Variants in ENG observed in about 807,000 individuals in gnomAD.
ENG encodes CD105 antigen.
ENG carries 17 observed loss-of-function variants against 71.0 expected under a neutral mutation model. The observed-to-expected ratio is 0.24, with a 90% CI of 0.16 to 0.36. ENG has a LOEUF of 0.36. Ranked by LOEUF, ENG falls within the 10% of genes least tolerant of loss-of-function variation. The pLI is 1.00. For missense variants in ENG, 749 were observed against 868.3 expected, an observed-to-expected ratio of 0.86 and a Z score of 1.73; for synonymous variants, 360 against 366.9, an observed-to-expected ratio of 0.98 and a Z score of 0.21.
intron 2 of ENG, among the ~76,000 whole-genome samples, chr9:127,835,417 G>C (rs1588590890): frequency 6.6e-6 from 1 of 152,210 alleles, no homozygotes; most frequent in East Asian, 1.9e-4. Context: ...ACAGTCCATT[G>C]CTGTGCGGCC....
intron 13 of ENG, chr9:127,816,890 T>G (rs1830332704): frequency 1.8e-6 from 1 of 569,602 alleles, no homozygotes; most frequent in Admixed American, 3.0e-5. Flanking sequence ...AGTGGAGCCG[T>G]GAGTGGGGGC....
intron 1 of ENG, among the ~76,000 whole-genome samples, chr9:127,847,649 C>G (rs574296583): frequency 6.6e-6 from 1 of 152,082 alleles, no homozygotes; most frequent in East Asian, 1.9e-4. Context: ...GGGGTTTCGC[C>G]GTATTGCGCA....
Position 127,843,232 on chromosome 9 carries a change from T to G in ENG, c.81A>C (p.Thr27=), listed in dbSNP as rs1329911838. Residue 27 remains threonine, a synonymous_variant, in exon 2 of 15, where the codon ACA becomes ACC. Transcript: ENST00000373203. ...CCACAGGCTGAAGGTCACAATGGAC[T>G]GTTTCTGCAAGACCTGTTGGAGAAA... ...CSLSPTSLAE[T]VHCDLQPVGP... The G allele has an allele frequency of 6.2e-7, 1 of 1,614,098 alleles. No homozygotes were observed. The highest frequency in any genetic ancestry group is 1.1e-5 in the South Asian group (1 of 91,092).
In ENG at chr9:127,846,825, G is replaced by A; in HGVS notation, c.68-3580C>T. On this transcript the variant is annotated intron_variant, in intron 1 of 14. Transcript: ENST00000373203. The surrounding 1 kb of genome is among the most constrained non-coding windows in gnomAD (Gnocchi z 5.5). ...AGAGGAGGAGCCGCTGGGGGCCTGG[G>A]TGACTGGAACCCCAAGTGAGAGACC... The A allele has an allele frequency of 1.0e-6, 1 of 977,166 alleles. No homozygotes were observed. Among genetic ancestry groups the A allele is most frequent in the Non-Finnish European group, 1.2e-6 (1 of 822,438 alleles). 60.5% of individuals were successfully genotyped at this position (977,166 alleles called of 1,614,324 possible).
chr9:127,851,456 G>A (rs1831284394), intron 1 of ENG, among the ~76,000 whole-genome samples: 1 of 151,930 alleles, frequency 6.6e-6, no homozygotes, highest in Non-Finnish European at 1.5e-5. Context: ...CTGACCTCAG[G>A]TGATCCACCC....
At chr9:127,825,394 G>A (rs1368720542) in intron 5 of ENG, 37 bp from the exon 6 acceptor site, 1 of 1,605,576 alleles carries the variant, frequency 6.2e-7, no homozygotes. Flanking sequence ...CACTGAAGCG[G>A]ACAGGCCAGG....
At chr9:127,840,210 G>C (rs1830997379) in intron 2 of ENG, among the ~76,000 whole-genome samples, 1 of 152,226 alleles carries the variant, frequency 6.6e-6, no homozygotes, top group Non-Finnish European at 1.5e-5. Context: ...AGGGCTGCCT[G>C]GCTCCAGAAC....
rs1831084347 is a variant in ENG at position 127,843,219 on chromosome 9, G to A, written c.94C>T (p.Leu32Phe). 1.2e-6 allele frequency: 2 copies of A among 1,614,114 alleles called. No homozygotes were observed. Among genetic ancestry groups the A allele is most frequent in the Admixed American group, 3.3e-5 (2 of 60,008 alleles). ...CCCCTCTCGGGGCCCACAGGCTGAA[G>A]GTCACAATGGACTGTTTCTGCAAGA... The part of the protein sequence containing the change: ...TSLAETVHCD[L>F]QPVGPERGEV... The change falls in exon 2 of 15, where the codon CTT becomes TTT. Residue 32 changes from leucine to phenylalanine, a missense_variant. Coordinates refer to ENST00000373203, the MANE Select transcript of ENG (RefSeq NM_001114753.3).
rs548424658 is a variant in ENG, at chr9:127,825,788, C to T, written c.596G>A (p.Arg199His). The change falls in exon 5 of 15, where the codon CGT becomes CAT. Residue 199 changes from arginine (R) to histidine (H), a missense_variant. Coordinates refer to ENST00000373203, the MANE Select transcript of ENG (RefSeq NM_001114753.3). ...DMGRTLEWRP[R>H]TPALVRGCHL... is the part of the protein sequence containing the mutation. The stretch of plus-strand genomic sequence containing the variant: ...GCAGCCCCGGACCAAGGCTGGAGTA[C>T]GCGGCCGCCACTCGAGCGTGCGGCC... The T allele has an allele frequency of 2.6e-4, 412 of 1,594,220 alleles. 6 individuals carry two copies. The East Asian group carries it at 8.7e-3, about 34-fold the overall frequency.
At chr9:127,817,881 G>C (rs889404192) in intron 12 of ENG, 17 of 609,034 alleles carry the variant, frequency 2.8e-5, no homozygotes, top group Non-Finnish European at 4.0e-5. Flanking sequence ...TGGATGGATG[G>C]ATAGATGGAC....
intron 1 of ENG, among the ~76,000 whole-genome samples, chr9:127,851,751 G>A (rs992202804): frequency 1.3e-5 from 2 of 151,902 alleles, no homozygotes; most frequent in African/African-American, 2.4e-5. Flanking sequence ...TGGGGCCGGC[G>A]CCTGTAGTCC....
chr9:127,854,279 G>C lies in ENG; in HGVS notation c.67+10C>G. 1.3e-6 allele frequency: 2 copies of C among 1,580,664 alleles called. No individual in the cohort carries two copies. The highest frequency in any genetic ancestry group is 2.7e-5 in the African/African-American group (2 of 74,184). On this transcript the variant is annotated intron_variant, in intron 1 of 14. Coordinates refer to ENST00000373203, the MANE Select transcript of ENG (RefSeq NM_001114753.3). ...CCGAGTCTCCCCACCCTGGGTCCCT[G>C]GACACCTACTTGTGGGGCTGAGGCT... is the stretch of plus-strand genomic sequence containing the variant.
At chr9:127,841,940 G>A (rs1181804124) in intron 2 of ENG, among the ~76,000 whole-genome samples, 1 of 152,232 alleles carries the variant, frequency 6.6e-6, no homozygotes, top group Non-Finnish European at 1.5e-5. Context: ...ACAGACCCTG[G>A]CAGATGAGCC....
chr9:127,846,885 C>A lies in ENG; in HGVS notation c.68-3640G>T. ...CCTCCCACCACTGTCCCCTCTCCAC[C>A]CTCGCCACCCATGTGCACACAGCAC... is the stretch of plus-strand genomic sequence containing the variant. On this transcript the variant is annotated intron_variant, in intron 1 of 14. Transcript: ENST00000373203. This position sits in a 1 kb window ranked among gnomAD's most constrained non-coding sequence, Gnocchi z 5.5. 1 of 985,610 alleles carries A rather than the reference C, an allele frequency of 1.0e-6. No individual in the cohort carries two copies. The allele number at this position is 985,610 out of a possible 1,614,324, so 61.1% of individuals were successfully genotyped here. A position where few individuals can be genotyped will look rare whatever the true frequency, so the allele number is the denominator to read the frequency against.
chr9:127,817,397 C>A, intron 12 of ENG, 194 bp from the exon 13 acceptor site: 1 of 652,496 alleles, frequency 1.5e-6, no homozygotes, highest in South Asian at 1.7e-5. Flanking sequence ...CGATCCCTGG[C>A]TGCTGCTGAA....
rs190129922 is a variant in ENG at position 127,815,191 on chromosome 9, G to A, written c.*491C>T. ...CCTCTGGGCTCCCAGGCTGGGCTCC[G>A]CTAGGCTCCTGTCTCCCCTGCCAGT... On this transcript the variant is annotated 3_prime_UTR_variant, in exon 15 of 15. Transcript: ENST00000373203. 124 of 155,624 alleles carry A rather than the reference G, an allele frequency of 8.0e-4. No individual in the cohort carries two copies. The highest frequency in any genetic ancestry group is 1.2e-3 in the Non-Finnish European group (88 of 70,452). 9.6% of individuals were successfully genotyped at this position (155,624 alleles called of 1,614,324 possible).
At chr9:127,843,301 T>C in intron 1 of ENG, 56 bp from the exon 2 acceptor site, 2 of 1,612,232 alleles carry the variant, frequency 1.2e-6, no homozygotes, top group South Asian at 2.2e-5. Flanking sequence ...TGACAATGAC[T>C]CCTACTTTCC....
chr9:127,818,575 G>C (rs1830390931), intron 11 of ENG, 141 bp downstream of exon 11: 1 of 1,364,592 alleles, frequency 7.3e-7, no homozygotes, highest in Non-Finnish European at 1.0e-6. Context: ...TGCCTTCTCT[G>C]TCTCTCCCTC....
intron 2 of ENG, among the ~76,000 whole-genome samples, chr9:127,833,389 C>T (rs41448050): frequency 4.7e-4 from 72 of 152,040 alleles, no homozygotes; most frequent in African/African-American, 1.6e-3. Context: ...GGTGTGGTGG[C>T]GCATGCCTGT....
Sources: gnomAD v4.1 joint callset for allele counts (sites outside exome capture counted in the v4.1 genomes callset) on GRCh38, gnomAD v4.1.1 for gene constraint, Gnocchi (gnomAD v3.1) non-coding constraint, MANE v1.5 for transcripts, NCBI Gene and HGNC (gene_info 2026-07-23, HGNC 2026-07-21) for gene names.